The following STX17 variants were observed in gnomAD, a reference collection of about 807,000 sequenced individuals.
STX17 encodes the protein syntaxin 17, also known as syntaxin-17.
A neutral mutation model predicts 35.9 loss-of-function variants in STX17; 29 were observed. The ratio of observed to expected loss-of-function variants is 0.81; its 90% CI spans 0.60 to 1.10. STX17 has a LOEUF of 1.10. Among genes scored for constraint, STX17 ranks in the 50% least tolerant of loss-of-function variants. The probability of loss-of-function intolerance (pLI) is 0.00; values close to 1 mark genes in which losing one functional copy is unlikely to be tolerated. For synonymous variants in STX17, 92 were observed against 118.3 expected, an observed-to-expected ratio of 0.78 and a Z score of 1.44; for missense variants, 312 against 352.3, an observed-to-expected ratio of 0.89 and a Z score of 0.92.
Position 99,924,273 on chromosome 9 carries a change from C to T in STX17, c.124-4505C>T, listed in dbSNP as rs548570148. Among the ~76,000 whole-genome samples, 5 of 152,236 alleles carry T rather than the reference C, an allele frequency of 3.3e-5. No individual in the cohort carries two copies. The South Asian group carries it at 1.0e-3, about 32-fold the overall frequency. ...GGAGGTCAGAGAGAGATTCTGTTTC[C>T]TGAGGTCTACTTTGGACACTGAAAG... On this transcript the variant is annotated intron_variant, in intron 2 of 7. Transcript: ENST00000259400.
intron 1 of STX17, 113 bp from the exon 2 acceptor site, chr9:99,915,065 C>A: frequency 1.7e-6 from 1 of 596,202 alleles, no homozygotes; most frequent in Non-Finnish European, 2.5e-6. Context: ...TCAAGGTCAG[C>A]ATTAGAAATA....
intron 1 of STX17, among the ~76,000 whole-genome samples, chr9:99,909,615 A>G (rs1828619782): frequency 6.6e-6 from 1 of 152,214 alleles, no homozygotes; most frequent in Non-Finnish European, 1.5e-5. Flanking sequence ...CCCCTGTAGT[A>G]AAAACAGATG....
At position 99,970,911 on chromosome 9, in the gene STX17, C is replaced by T. The variant is rs1332810510; in HGVS notation, c.*2238C>T. Among the ~76,000 whole-genome samples the T allele has an allele frequency of 1.3e-5, 2 of 152,170 alleles. No homozygotes were observed. The highest frequency in any genetic ancestry group is 2.9e-5 in the Non-Finnish European group (2 of 68,028). On this transcript the variant is annotated 3_prime_UTR_variant, in exon 8 of 8. Coordinates refer to ENST00000259400, the MANE Select transcript of STX17 (RefSeq NM_017919.3). The stretch of plus-strand genomic sequence containing the variant: ...ATTTTTACTGAGCCAGTGTGGAATA[C>T]CACTGTATGTACTCATATAAGCCCT...
intron 3 of STX17, among the ~76,000 whole-genome samples, chr9:99,931,737 G>T (rs533902304): frequency 1.7e-4 from 26 of 152,200 alleles, no homozygotes; most frequent in African/African-American, 6.3e-4. Context: ...TTGCTTGTCT[G>T]ATTTTCGCTC....
intron 4 of STX17, among the ~76,000 whole-genome samples, chr9:99,956,164 A>G (rs1829706962): frequency 1.3e-5 from 2 of 152,160 alleles, no homozygotes; most frequent in African/African-American, 2.4e-5. Flanking sequence ...ACTAAGATGC[A>G]TACGTAGTTT....
intron 3 of STX17, among the ~76,000 whole-genome samples, chr9:99,933,778 T>G (rs1180316814): frequency 6.6e-6 from 1 of 152,186 alleles, no homozygotes; most frequent in Non-Finnish European, 1.5e-5. Context: ...CTAGTTTAAT[T>G]TAAAACACAT....
At chr9:99,929,208 T>C (rs934015935) in intron 3 of STX17, 1 of 159,878 alleles carries the variant, frequency 6.3e-6, no homozygotes, top group African/African-American at 2.4e-5. Flanking sequence ...GAACTTTTTT[T>C]CACATTGCCT....
At chr9:99,923,214 A>G (rs1258976163) in intron 2 of STX17, among the ~76,000 whole-genome samples, 1 of 152,106 alleles carries the variant, frequency 6.6e-6, no homozygotes, top group Non-Finnish European at 1.5e-5. Flanking sequence ...TGATGTACAA[A>G]TGATTTCACC....
chr9:99,923,455 G>A (rs982648063), intron 2 of STX17, among the ~76,000 whole-genome samples: 3 of 152,092 alleles, frequency 2.0e-5, no homozygotes, highest in Non-Finnish European at 4.4e-5. Flanking sequence ...CACTGTGAAT[G>A]GAAAAATCAA....
At chr9:99,950,558 A>G (rs1051245499) in intron 3 of STX17, among the ~76,000 whole-genome samples, 5 of 152,156 alleles carry the variant, frequency 3.3e-5, no homozygotes, top group Admixed American at 1.3e-4. Flanking sequence ...ATTCTACACT[A>G]CACCGTGGAA....
intron 4 of STX17, 158 bp downstream of exon 4, chr9:99,951,443 T>C: frequency 1.5e-6 from 1 of 662,624 alleles, no homozygotes; most frequent in Non-Finnish European, 2.4e-6. Flanking sequence ...CCTGGAAATG[T>C]GTACCCTGGA....
chr9:99,912,306 A>T (rs991311288), intron 1 of STX17, among the ~76,000 whole-genome samples: 1 of 151,598 alleles, frequency 6.6e-6, no homozygotes, highest in African/African-American at 2.4e-5. Flanking sequence ...GGTGATAGCT[A>T]TTGTAACTGG....
intron 6 of STX17, among the ~76,000 whole-genome samples, chr9:99,960,454 T>G (rs1829807742): frequency 6.6e-6 from 1 of 152,014 alleles, no homozygotes; most frequent in Admixed American, 6.5e-5. Flanking sequence ...TTTGTGTTTT[T>G]TTTTTTTGAG....
At chr9:99,959,227 A>C (rs1829779105) in intron 4 of STX17, among the ~76,000 whole-genome samples, 1 of 152,082 alleles carries the variant, frequency 6.6e-6, no homozygotes, top group South Asian at 2.1e-4. Context: ...GCCATTTTTT[A>C]AATGACTGTG....
chr9:99,915,039 G>T, intron 1 of STX17, 139 bp from the exon 2 acceptor site: 1 of 403,468 alleles, frequency 2.5e-6, no homozygotes, highest in Non-Finnish European at 4.0e-6. Flanking sequence ...GTTTCATAAA[G>T]AAAAAAACAA....
At chr9:99,941,336 A>C (rs1829357729) in intron 3 of STX17, among the ~76,000 whole-genome samples, 1 of 152,218 alleles carries the variant, frequency 6.6e-6, no homozygotes, top group African/African-American at 2.4e-5. Context: ...ATCCTTATCC[A>C]GTATACTTCC....
chr9:99,940,835 G>A (rs970351877), intron 3 of STX17, among the ~76,000 whole-genome samples: 2 of 152,146 alleles, frequency 1.3e-5, no homozygotes, highest in Admixed American at 1.3e-4. Flanking sequence ...TTATTACAGT[G>A]TGATTTCTGC....
At chr9:99,911,926 G>A (rs116978686) in intron 1 of STX17, among the ~76,000 whole-genome samples, 2,803 of 152,282 alleles carry the variant, frequency 0.018, 39 homozygotes, top group Admixed American at 0.03. Flanking sequence ...CACCAACAGT[G>A]TATAAGAGTC....
Position 99,951,093 on chromosome 9 carries a change from C to G in STX17, c.223C>G (p.Leu75Val), listed in dbSNP as rs1422019887. The G allele has an allele frequency of 1.2e-6, 2 of 1,609,918 alleles. No homozygotes were observed. Among genetic ancestry groups the G allele is most frequent in the Admixed American group, 1.7e-5 (1 of 59,454 alleles). The change falls in exon 4 of 8, where the codon CTT becomes GTT. Residue 75 changes from leucine to valine, a missense_variant. Transcript: ENST00000259400. ...ATCCAATATCCGAGAAATTGAGAAA[C>G]TTTGTTTGAAAGTCCGAAAGGATGA... ...LRSNIREIEK[L>V]CLKVRKDDLV...
Sources: allele counts gnomAD v4.1 joint callset (sites outside exome capture counted in the v4.1 genomes callset), GRCh38; gene constraint gnomAD v4.1.1; transcripts MANE v1.5; gene names NCBI Gene and HGNC (gene_info 2026-07-23, HGNC 2026-07-21).